The following ELAPOR1 variants were observed in gnomAD, a reference collection of about 807,000 sequenced individuals.
ELAPOR1 encodes endosome-lysosome associated apoptosis and autophagy regulator 1, also known as endosome/lysosome-associated apoptosis and autophagy regulator 1.
Under a neutral mutation model 119.7 loss-of-function variants are expected in ELAPOR1, and 77 were observed. The observed-to-expected ratio is 0.64, with a 90% CI of 0.54 to 0.78. The LOEUF (loss-of-function observed/expected upper bound fraction) is 0.78, where lower values mean the gene tolerates loss of function less well. ELAPOR1 is among the 30% of genes least tolerant of loss of function. ELAPOR1 has a pLI of 0.00. For synonymous variants in ELAPOR1, 481 were observed against 487.2 expected, an observed-to-expected ratio of 0.99 and a Z score of 0.17; for missense variants, 1,115 against 1,270.4, an observed-to-expected ratio of 0.88 and a Z score of 1.86.
At chr1:109,147,503 C>T (rs1050229057) in intron 1 of ELAPOR1, among the ~76,000 whole-genome samples, 1 of 152,166 alleles carries the variant, frequency 6.6e-6, no homozygotes, top group African/African-American at 2.4e-5. Context: ...AATGAAATTA[C>T]TGTATTATAA....
At chr1:109,141,071 C>T (rs1649797876) in intron 1 of ELAPOR1, among the ~76,000 whole-genome samples, 1 of 152,022 alleles carries the variant, frequency 6.6e-6, no homozygotes, top group African/African-American at 2.4e-5. Context: ...AGGCTGGCCT[C>T]GAACTCCTGA....
At chr1:109,136,685 G>T (rs371598614) in intron 1 of ELAPOR1, among the ~76,000 whole-genome samples, 2 of 152,066 alleles carry the variant, frequency 1.3e-5, no homozygotes, top group South Asian at 4.1e-4. Context: ...TTAATTGTAG[G>T]TATAATTACT....
chr1:109,198,020 G>T lies in ELAPOR1; in HGVS notation c.2344G>T (p.Ala782Ser). ...GACTCTGGATGGAATCACCTCCCCA[G>T]CTGAACTTTTCCACCTGGAGTCCTT... is the stretch of plus-strand genomic sequence containing the variant. The part of the protein sequence containing the change: ...DMTLDGITSP[A>S]ELFHLESLGI... The change falls in exon 17 of 22, where the codon GCT (alanine) becomes TCT (serine). Residue 782 changes from alanine (A) to serine (S), a missense_variant. Transcript: ENST00000369939. 6.2e-7 allele frequency: 1 copy of T among 1,614,124 alleles called. No individual in the cohort carries two copies.
intron 1 of ELAPOR1, among the ~76,000 whole-genome samples, chr1:109,139,416 T>C (rs1649687540): frequency 1.3e-5 from 2 of 152,174 alleles, no homozygotes; most frequent in African/African-American, 2.4e-5. Flanking sequence ...TGAGGCACAC[T>C]GTAGATACTG....
rs1483404792 is a variant in ELAPOR1, at chr1:109,205,403, C to T, written c.*2391C>T. On this transcript the variant is annotated 3_prime_UTR_variant, in exon 22 of 22. Transcript: ENST00000369939. ...AGAGTCAATGAGAACTAGAGCCAGG[C>T]TGTGGTCCCTGGCCATCAACAGTGT... 2.6e-5 allele frequency: 4 copies of T among 152,242 alleles called. No homozygotes were observed. Among genetic ancestry groups the T allele is most frequent in the Admixed American group, 6.5e-5 (1 of 15,284 alleles). 9.4% of individuals were successfully genotyped at this position (152,242 alleles called of 1,614,324 possible).
intron 15 of ELAPOR1, among the ~76,000 whole-genome samples, chr1:109,195,879 G>A (rs1653764353): frequency 6.6e-6 from 1 of 152,138 alleles, no homozygotes; most frequent in Non-Finnish European, 1.5e-5. Flanking sequence ...AAAAGAGGCT[G>A]GGCATGGTGG....
chr1:109,186,644 A>C, intron 8 of ELAPOR1: 6 of 985,434 alleles, frequency 6.1e-6, no homozygotes, highest in Non-Finnish European at 7.2e-6. Flanking sequence ...GGTATTCTGT[A>C]TGACCTTGTG....
rs576867858 is a variant in ELAPOR1, at chr1:109,128,185, CTT to C, written c.153+13852_153+13853del. ...ACTGCACCTGGCCTTATTAAAGGCA[CTT>C]TTAAAAGATCCACAAAACTATGCAG... On this transcript the variant is annotated intron_variant, in intron 1 of 21. Coordinates refer to ENST00000369939, the MANE Select transcript of ELAPOR1 (RefSeq NM_020775.5). 5.6e-3 allele frequency among the ~76,000 whole-genome samples: 852 copies of C among 151,688 alleles called. 12 individuals are homozygous for C. The highest frequency in any genetic ancestry group is 0.018 in the African/African-American group (748 of 41,468).
chr1:109,158,891 C>CTTTT, intron 1 of ELAPOR1, among the ~76,000 whole-genome samples: 1 of 128,748 alleles, frequency 7.8e-6, no homozygotes, highest in Non-Finnish European at 1.7e-5. Flanking sequence ...AAGCTTATGT[C>CTTTT]TTTTTTTTTT....
At chr1:109,143,695 G>A (rs917619287) in intron 1 of ELAPOR1, among the ~76,000 whole-genome samples, 26 of 151,454 alleles carry the variant, frequency 1.7e-4, no homozygotes, top group African/African-American at 5.1e-4. Context: ...TTTGAGACAG[G>A]GTCTCACTTT....
intron 1 of ELAPOR1, among the ~76,000 whole-genome samples, chr1:109,156,963 G>T (rs561727046): frequency 3.9e-4 from 60 of 152,290 alleles, no homozygotes; most frequent in Non-Finnish European, 1.5e-4. Context: ...CAGAAGAAGG[G>T]GGGTGGACAC....
chr1:109,170,638 A>G (rs76426513), intron 3 of ELAPOR1, among the ~76,000 whole-genome samples: 28 of 152,322 alleles, frequency 1.8e-4, no homozygotes, highest in African/African-American at 6.5e-4. Flanking sequence ...TATAGAGTGC[A>G]TCAGGAATTT....
At chr1:109,143,869 C>G (rs572182525) in intron 1 of ELAPOR1, among the ~76,000 whole-genome samples, 1 of 151,526 alleles carries the variant, frequency 6.6e-6, no homozygotes, top group East Asian at 1.9e-4. Context: ...CCATGTTGCC[C>G]AGGCTGATCT....
At chr1:109,197,729 G>A in intron 16 of ELAPOR1, 75 bp downstream of exon 16, 1 of 1,462,448 alleles carries the variant, frequency 6.8e-7, no homozygotes. Flanking sequence ...GTAAGAGAGT[G>A]TGAGGTTACC....
At chr1:109,173,445 G>C (rs1393628632) in intron 5 of ELAPOR1, 29 bp from the exon 6 acceptor site, 10 of 1,584,490 alleles carry the variant, frequency 6.3e-6, no homozygotes, top group Non-Finnish European at 8.7e-6. Context: ...TCTCTGTGAT[G>C]AATGAATGCT....
At chr1:109,176,102 A>G (rs1652268429) in intron 7 of ELAPOR1, among the ~76,000 whole-genome samples, 1 of 152,160 alleles carries the variant, frequency 6.6e-6, no homozygotes, top group African/African-American at 2.4e-5. Flanking sequence ...TCTGAGGGAA[A>G]GTAAGGGGAC....
At chr1:109,143,957 G>T (rs1570633929) in intron 1 of ELAPOR1, among the ~76,000 whole-genome samples, 1 of 148,484 alleles carries the variant, frequency 6.7e-6, no homozygotes, top group South Asian at 2.1e-4. Flanking sequence ...CACTGCTCTT[G>T]GCCTAAAGTT....
At chr1:109,148,543 G>C (rs1650329946) in intron 1 of ELAPOR1, among the ~76,000 whole-genome samples, 1 of 152,242 alleles carries the variant, frequency 6.6e-6, no homozygotes, top group Non-Finnish European at 1.5e-5. Context: ...TGGAGAAACA[G>C]TGCTATAGGA....
chr1:109,124,932 C>CT (rs928533996), intron 1 of ELAPOR1, among the ~76,000 whole-genome samples: 90 of 148,852 alleles, frequency 6.0e-4, no homozygotes, highest in Middle Eastern at 6.9e-3. Context: ...TGTGGTCTCT[C>CT]TTTTTTTTTT....
Sources: gnomAD v4.1 joint callset for allele counts (sites outside exome capture counted in the v4.1 genomes callset) on GRCh38, gnomAD v4.1.1 for gene constraint, MANE v1.5 for transcripts, NCBI Gene and HGNC (gene_info 2026-07-23, HGNC 2026-07-21) for gene names.